The following SERGEF variants were observed in gnomAD, a reference collection of about 807,000 sequenced individuals.
The protein encoded by SERGEF is secretion regulating guanine nucleotide exchange factor.
In SERGEF, 51 loss-of-function variants were observed where a neutral mutation model predicts 50.0. The ratio of observed to expected loss-of-function variants is 1.02; its 90% CI spans 0.81 to 1.29. SERGEF has a LOEUF of 1.29. SERGEF is among the 50% of genes most tolerant of loss of function. The pLI, the probability that SERGEF is intolerant of heterozygous loss-of-function variation, is 0.00. For synonymous variants in SERGEF, 205 were observed against 212.4 expected (o/e 0.97, Z 0.30); for missense variants, 521 against 557.0 (o/e 0.94, Z 0.65).
At chr11:18,011,456 G>A (rs920443297) in intron 1 of SERGEF, among the ~76,000 whole-genome samples, 8 of 152,172 alleles carry the variant, frequency 5.3e-5, no homozygotes, top group Admixed American at 5.2e-4. Flanking sequence ...GCCAGAGAGA[G>A]GCCTCGGGAG....
chr11:17,987,120 A>G (rs368860125), intron 8 of SERGEF, among the ~76,000 whole-genome samples: 155 of 152,358 alleles, frequency 1.0e-3, no homozygotes, highest in African/African-American at 3.3e-3. Context: ...GGTGCCTAAT[A>G]AACATTAACC....
intron 10 of SERGEF, among the ~76,000 whole-genome samples, chr11:17,871,551 T>C (rs183436934): frequency 6.6e-6 from 1 of 151,446 alleles, no homozygotes; most frequent in African/African-American, 2.4e-5. Flanking sequence ...ATCTACAAGA[T>C]ATAAGGGATG....
chr11:17,939,879 T>C (rs1852529379), intron 9 of SERGEF, among the ~76,000 whole-genome samples: 2 of 152,218 alleles, frequency 1.3e-5, no homozygotes. Context: ...TGTCAGTCCC[T>C]TTCTCAGTCT....
chr11:17,980,396 A>G (rs1031052702), intron 8 of SERGEF, among the ~76,000 whole-genome samples: 1 of 152,234 alleles, frequency 6.6e-6, no homozygotes, highest in Non-Finnish European at 1.5e-5. Flanking sequence ...TGTCAAGGAC[A>G]TATATACATG....
chr11:17,987,273 A>G (rs1241196635), intron 8 of SERGEF, among the ~76,000 whole-genome samples: 1 of 152,150 alleles, frequency 6.6e-6, no homozygotes, highest in Non-Finnish European at 1.5e-5. Context: ...TTAACTATAA[A>G]GAGTTTGATG....
At chr11:17,810,910 G>GA (rs1372040643) in intron 10 of SERGEF, among the ~76,000 whole-genome samples, 2 of 152,106 alleles carry the variant, frequency 1.3e-5, no homozygotes, top group African/African-American at 4.8e-5. Context: ...GAACAGAGAT[G>GA]ATACATTCAA....
chr11:18,001,271 C>G (rs999869722), intron 4 of SERGEF, among the ~76,000 whole-genome samples: 19 of 152,308 alleles, frequency 1.2e-4, no homozygotes, highest in African/African-American at 4.1e-4. Context: ...GCTACTCCTC[C>G]CTTCAAGATG....
chr11:17,879,148 C>T (rs1283816159), intron 9 of SERGEF, among the ~76,000 whole-genome samples: 1 of 152,220 alleles, frequency 6.6e-6, no homozygotes, highest in African/African-American at 2.4e-5. Flanking sequence ...CATAAAAGAA[C>T]AAATACCTAA....
At chr11:17,906,148 G>A (rs1161979556) in intron 9 of SERGEF, among the ~76,000 whole-genome samples, 1 of 152,162 alleles carries the variant, frequency 6.6e-6, no homozygotes, top group African/African-American at 2.4e-5. Flanking sequence ...ACTGTCAGAG[G>A]TGGATGCTAC....
In SERGEF at chr11:17,888,663, ACACACACACACACACG is replaced by A. The variant is rs1851477701; in HGVS notation, c.1012-10435_1012-10420del. ...CACACACACACACACACACACACAC[ACACACACACACACACG>A]CATTGAGTTAAACCAACATGAAATT... On this transcript the variant is annotated intron_variant, in intron 9 of 10. Coordinates refer to ENST00000265965, the MANE Select transcript of SERGEF (RefSeq NM_012139.4). The surrounding 1 kb of genome is among the most constrained non-coding windows in gnomAD (Gnocchi z 4.1). 8.1e-6 allele frequency among the ~76,000 whole-genome samples: 1 copy of A among 123,228 alleles called. No homozygotes were observed. The highest frequency in any genetic ancestry group is 2.4e-4 in the South Asian group (1 of 4,094). The allele number at this position is 123,228 out of a possible 152,430, so 80.8% of individuals were successfully genotyped here.
chr11:17,946,438 G>A (rs1056927016), intron 9 of SERGEF, among the ~76,000 whole-genome samples: 1 of 152,182 alleles, frequency 6.6e-6, no homozygotes, highest in Non-Finnish European at 1.5e-5. Context: ...GCTACCTGCT[G>A]TCATTATTAG....
chr11:17,930,007 G>T (rs1419117928), intron 9 of SERGEF, among the ~76,000 whole-genome samples: 6 of 152,172 alleles, frequency 3.9e-5, no homozygotes, highest in Non-Finnish European at 8.8e-5. Context: ...TGAACAAACT[G>T]GGATTTATAG....
At chr11:17,807,028 C>T (rs576597605) in intron 10 of SERGEF, among the ~76,000 whole-genome samples, 1 of 152,236 alleles carries the variant, frequency 6.6e-6, no homozygotes, top group Non-Finnish European at 1.5e-5. Flanking sequence ...TTAACAACCA[C>T]TCAAATACTA....
intron 10 of SERGEF, among the ~76,000 whole-genome samples, chr11:17,821,920 T>C (rs1477923936): frequency 6.6e-6 from 1 of 152,148 alleles, no homozygotes; most frequent in Admixed American, 6.5e-5. Context: ...TTCCACATAT[T>C]TCAGCACTGA....
intron 10 of SERGEF, among the ~76,000 whole-genome samples, chr11:17,809,977 G>C: frequency 6.6e-6 from 1 of 152,122 alleles, no homozygotes; most frequent in East Asian, 1.9e-4. Context: ...ACTGTGCCCT[G>C]CTCCTACCAA....
At chr11:17,904,982 C>T (rs185256719) in intron 9 of SERGEF, among the ~76,000 whole-genome samples, 2 of 152,344 alleles carry the variant, frequency 1.3e-5, no homozygotes, top group Admixed American at 6.5e-5. Context: ...TCTGAAATAT[C>T]AACTGTCTTC....
chr11:17,873,341 G>A (rs930622070), intron 10 of SERGEF, among the ~76,000 whole-genome samples: 3 of 152,126 alleles, frequency 2.0e-5, no homozygotes, highest in African/African-American at 7.2e-5. Flanking sequence ...GGATGAGGTA[G>A]GTAAAGCATT....
chr11:17,917,530 A>AACC (rs1435822487), intron 9 of SERGEF, among the ~76,000 whole-genome samples: 1 of 152,218 alleles, frequency 6.6e-6, no homozygotes, highest in African/African-American at 2.4e-5. Flanking sequence ...TTACTCATGT[A>AACC]ACCAAATATC....
intron 9 of SERGEF, among the ~76,000 whole-genome samples, chr11:17,937,123 A>G (rs1193688233): frequency 2.6e-5 from 4 of 152,084 alleles, no homozygotes; most frequent in Non-Finnish European, 5.9e-5. Flanking sequence ...AATATTTAAT[A>G]ATATAGATAA....
Sources: gnomAD v4.1 joint callset for allele counts (sites outside exome capture counted in the v4.1 genomes callset) on GRCh38, gnomAD v4.1.1 for gene constraint, Gnocchi (gnomAD v3.1) non-coding constraint, MANE v1.5 for transcripts, NCBI Gene and HGNC (gene_info 2026-07-23, HGNC 2026-07-21) for gene names.